PARVB: variants seen among roughly 807,000 people sequenced by gnomAD.
The protein encoded by PARVB is parvin beta.
In PARVB, 46 loss-of-function variants were observed where a neutral mutation model predicts 47.0. That is an observed-to-expected ratio of 0.98 (90% CI 0.77 to 1.25). The LOEUF (loss-of-function observed/expected upper bound fraction) is 1.25, where lower values mean the gene tolerates loss of function less well. Ranked by LOEUF, PARVB falls within the 50% of genes most tolerant of loss-of-function variation. The probability of loss-of-function intolerance (pLI) is 0.00; values close to 1 mark genes in which losing one functional copy is unlikely to be tolerated. For missense variants in PARVB, 473 were observed against 471.6 expected (o/e 1.00, Z -0.03); for synonymous variants, 196 against 196.3 (o/e 1.00, Z 0.01).
chr22:44,079,756 C>T (rs375442244), intron 1 of PARVB, among the ~76,000 whole-genome samples: 12 of 152,036 alleles, frequency 7.9e-5, no homozygotes, highest in Admixed American at 7.9e-4. Context: ...GGTGAAACCC[C>T]GTCTCTACTA....
chr22:44,036,499 G>A lies in PARVB; in HGVS notation c.112+12048G>A, dbSNP rs527246097. On this transcript the variant is annotated intron_variant, in intron 1 of 12. Coordinates refer to ENST00000338758, the MANE Select transcript of PARVB (RefSeq NM_013327.5). ...TTCTTAATTTTTAAAAATATTTCTGGGCTACGTGGTTTGCAGTTTTTTCAA... is the reference window on the plus strand; with the variant it reads ...TTCTTAATTTTTAAAAATATTTCTGAGCTACGTGGTTTGCAGTTTTTTCAA... Among the ~76,000 whole-genome samples the A allele has an allele frequency of 2.0e-5, 3 of 151,804 alleles. 1 individual carries two copies. The East Asian group carries it at 5.8e-4, about 29-fold the overall frequency.
At chr22:44,028,815 G>A (rs1164897699) in intron 1 of PARVB, among the ~76,000 whole-genome samples, 2 of 152,144 alleles carry the variant, frequency 1.3e-5, no homozygotes, top group African/African-American at 4.8e-5. Context: ...CAGTGTTCTG[G>A]ATTTTGGAAT....
intron 1 of PARVB, among the ~76,000 whole-genome samples, chr22:44,042,563 T>C (rs894443573): frequency 1.3e-5 from 2 of 152,256 alleles, no homozygotes; most frequent in South Asian, 2.1e-4. Flanking sequence ...TCACACGTCC[T>C]GCACTGCTGC....
chr22:44,136,606 G>A (rs931416252), intron 7 of PARVB, 88 bp downstream of exon 7: 59 of 1,054,042 alleles, frequency 5.6e-5, no homozygotes, highest in East Asian at 1.2e-4. Flanking sequence ...GGACACCAGC[G>A]CCCATGGGGC....
intron 1 of PARVB, among the ~76,000 whole-genome samples, chr22:44,031,900 C>T (rs1235757775): frequency 2.0e-5 from 3 of 152,140 alleles, no homozygotes; most frequent in South Asian, 2.1e-4. Context: ...TTCGAACATG[C>T]GGTTCCATCA....
chr22:44,114,471 C>T (rs2052809254), intron 3 of PARVB: 1 of 69,302 alleles, frequency 1.4e-5, no homozygotes, highest in Non-Finnish European at 2.9e-5. Context: ...TACATTGTTA[C>T]TAACTAAGGC....
intron 1 of PARVB, among the ~76,000 whole-genome samples, chr22:44,065,859 A>ATGTG (rs139664039): frequency 0.052 from 7,577 of 144,556 alleles, 314 homozygotes; most frequent in African/African-American, 0.11. Context: ...GTGTGTGTGC[A>ATGTG]TGTGTGTGTG....
intron 1 of PARVB, among the ~76,000 whole-genome samples, chr22:44,091,053 T>G (rs1030609688): frequency 4.6e-5 from 7 of 152,120 alleles, no homozygotes; most frequent in Non-Finnish European, 8.8e-5. Context: ...TTTAGAGAGG[T>G]GGGGCAGAGG....
chr22:44,024,897 C>T (rs1485745098), intron 1 of PARVB, among the ~76,000 whole-genome samples: 1 of 152,152 alleles, frequency 6.6e-6, no homozygotes, highest in Non-Finnish European at 1.5e-5. Flanking sequence ...CTGCAGGGTG[C>T]GGGGCTCAGG....
At chr22:44,099,996 C>G (rs1265727242) in intron 2 of PARVB, 57 bp from the exon 3 acceptor site, 19 of 1,427,842 alleles carry the variant, frequency 1.3e-5, no homozygotes, top group Middle Eastern at 3.5e-4. Flanking sequence ...CCCCTGGTTC[C>G]CCGTGTCCCT....
chr22:44,137,312 G>A (rs1320508712), intron 7 of PARVB, among the ~76,000 whole-genome samples: 2 of 152,208 alleles, frequency 1.3e-5, no homozygotes, highest in Non-Finnish European at 2.9e-5. Flanking sequence ...AGAGGCCCAT[G>A]AAGAGGCCTC....
intron 12 of PARVB, 73 bp from the exon 13 acceptor site, chr22:44,168,529 T>G: frequency 3.1e-6 from 3 of 982,620 alleles, no homozygotes; most frequent in Non-Finnish European, 5.0e-6. Flanking sequence ...GCTGGAGACG[T>G]GGCTTCTGAG....
At chr22:44,137,611 C>A (rs1291369992) in intron 7 of PARVB, among the ~76,000 whole-genome samples, 1 of 152,162 alleles carries the variant, frequency 6.6e-6, no homozygotes, top group East Asian at 1.9e-4. Flanking sequence ...GGTTGTTCAG[C>A]CAGTCTCGCC....
intron 1 of PARVB, among the ~76,000 whole-genome samples, chr22:44,044,486 G>A (rs186061966): frequency 9.2e-5 from 14 of 151,666 alleles, no homozygotes; most frequent in South Asian, 4.2e-4. Flanking sequence ...CACCACGCCC[G>A]GCCTGTTTTG....
At chr22:44,033,284 C>A (rs780294059) in intron 1 of PARVB, among the ~76,000 whole-genome samples, 1 of 152,092 alleles carries the variant, frequency 6.6e-6, no homozygotes, top group African/African-American at 2.4e-5. Flanking sequence ...TCAACTGATC[C>A]GCCCACCTCG....
rs184715685 is a variant in PARVB, at chr22:44,034,026, G to A, written c.112+9575G>A. 4.0e-5 allele frequency among the ~76,000 whole-genome samples: 6 copies of A among 151,846 alleles called. No homozygotes were observed. In the East Asian group the frequency reaches 5.8e-4, roughly 15 times the overall value. On this transcript the variant is annotated intron_variant, in intron 1 of 12. Coordinates refer to ENST00000338758, the MANE Select transcript of PARVB (RefSeq NM_013327.5). ...GGAGGTCCGGGGCGGGGCCTCATGCGCATATGGTATTCAGAGTTTATTTTT... is the reference window on the plus strand; with the variant it reads ...GGAGGTCCGGGGCGGGGCCTCATGCACATATGGTATTCAGAGTTTATTTTT...
At position 44,155,684 on chromosome 22, in the gene PARVB, C is replaced by T. The variant is rs977683329; in HGVS notation, c.844-2298C>T. On this transcript the variant is annotated intron_variant, in intron 10 of 12. Transcript: ENST00000338758. The surrounding 1 kb of genome is among the most constrained non-coding windows in gnomAD (Gnocchi z 4.8). ...TCAATGTTGTTCTGCTGGGAAGGTG[C>T]CAGCACGCTTAACCAGGGTGCTGTG... 9.2e-5 allele frequency among the ~76,000 whole-genome samples: 14 copies of T among 152,106 alleles called. No individual in the cohort carries two copies. Among genetic ancestry groups the T allele is most frequent in the African/African-American group, 3.1e-4 (13 of 41,428 alleles).
chr22:44,035,231 T>C (rs753606084), intron 1 of PARVB, among the ~76,000 whole-genome samples: 6 of 152,238 alleles, frequency 3.9e-5, no homozygotes, highest in Non-Finnish European at 7.3e-5. Context: ...TTATTGATGC[T>C]GCACGTTTAC....
intron 11 of PARVB, among the ~76,000 whole-genome samples, chr22:44,159,443 G>C (rs2054005825): frequency 6.6e-6 from 1 of 152,158 alleles, no homozygotes; most frequent in African/African-American, 2.4e-5. Context: ...GGCCTGCGAG[G>C]CTTGAGGAGG....
Sources: gnomAD v4.1 joint callset for allele counts (sites outside exome capture counted in the v4.1 genomes callset) on GRCh38, gnomAD v4.1.1 for gene constraint, Gnocchi (gnomAD v3.1) non-coding constraint, MANE v1.5 for transcripts, NCBI Gene and HGNC (gene_info 2026-07-23, HGNC 2026-07-21) for gene names.